The following CHCHD3 variants were observed in gnomAD, a reference collection of about 807,000 sequenced individuals.
CHCHD3 encodes the protein coiled-coil-helix-coiled-coil-helix domain containing 3, also known as MICOS complex subunit MIC19.
In CHCHD3, 20 loss-of-function variants were observed where a neutral mutation model predicts 38.2. That is an observed-to-expected ratio of 0.52 (90% CI 0.37 to 0.76). The LOEUF (loss-of-function observed/expected upper bound fraction) is 0.76, where lower values mean the gene tolerates loss of function less well. CHCHD3 is among the 30% of genes least tolerant of loss of function. CHCHD3 has a pLI of 0.00. For missense variants in CHCHD3, 245 were observed against 279.2 expected (o/e 0.88, Z 0.87); for synonymous variants, 82 against 100.0 (o/e 0.82, Z 1.07).
intron 7 of CHCHD3, among the ~76,000 whole-genome samples, chr7:132,792,789 T>C (rs17166760): frequency 0.05 from 7,590 of 152,250 alleles, 660 homozygotes; most frequent in African/African-American, 0.17. Context: ...AGATTAGGAT[T>C]GCAGCAGCAG....
chr7:132,931,367 G>A (rs762958830), intron 4 of CHCHD3, among the ~76,000 whole-genome samples: 1 of 152,170 alleles, frequency 6.6e-6, no homozygotes, highest in Non-Finnish European at 1.5e-5. Flanking sequence ...GTTGAAGATT[G>A]ACCCAAACTT....
intron 4 of CHCHD3, among the ~76,000 whole-genome samples, chr7:132,911,337 C>T (rs1292756183): frequency 6.6e-6 from 1 of 152,136 alleles, no homozygotes; most frequent in Non-Finnish European, 1.5e-5. Flanking sequence ...TCATTAACTA[C>T]CTGTCAATGT....
At chr7:133,064,502 G>A (rs897953009) in intron 2 of CHCHD3, among the ~76,000 whole-genome samples, 2 of 152,190 alleles carry the variant, frequency 1.3e-5, no homozygotes, top group African/African-American at 4.8e-5. Flanking sequence ...TCCCTACAGT[G>A]TTATGTCTAA....
intron 3 of CHCHD3, among the ~76,000 whole-genome samples, chr7:133,024,273 ACTC>A (rs1813271341): frequency 6.6e-6 from 1 of 152,082 alleles, no homozygotes; most frequent in Non-Finnish European, 1.5e-5. Context: ...ATACTCAAAA[ACTC>A]CTTCTCACAT....
chr7:132,924,359 C>A (rs1374727062), intron 4 of CHCHD3, among the ~76,000 whole-genome samples: 1 of 152,060 alleles, frequency 6.6e-6, no homozygotes, highest in African/African-American at 2.4e-5. Flanking sequence ...AAGTACAAAG[C>A]AGGGTATTTA....
At chr7:132,995,437 G>T (rs977483223) in intron 3 of CHCHD3, among the ~76,000 whole-genome samples, 11 of 152,118 alleles carry the variant, frequency 7.2e-5, no homozygotes, top group African/African-American at 2.7e-4. Flanking sequence ...ATACAATATT[G>T]TTAGCTGTAG....
intron 5 of CHCHD3, among the ~76,000 whole-genome samples, chr7:132,858,457 T>C (rs1000626669): frequency 4.6e-5 from 7 of 152,204 alleles, no homozygotes; most frequent in East Asian, 1.9e-4. Context: ...AATGATGCAA[T>C]GGAAAGTTCT....
chr7:132,896,283 T>C (rs1309069303), intron 4 of CHCHD3, among the ~76,000 whole-genome samples: 7 of 152,244 alleles, frequency 4.6e-5, no homozygotes, highest in African/African-American at 1.4e-4. Flanking sequence ...ATTTAACTTA[T>C]GTTCAGATCA....
At chr7:132,919,101 T>C (rs1454971427) in intron 4 of CHCHD3, among the ~76,000 whole-genome samples, 1 of 28,148 alleles carries the variant, frequency 3.6e-5, no homozygotes, top group African/African-American at 1.4e-4. Flanking sequence ...GGGTTTATTC[T>C]TTTTTTTTTT....
At chr7:132,790,102 G>A (rs1361214217) in intron 7 of CHCHD3, among the ~76,000 whole-genome samples, 2 of 152,192 alleles carry the variant, frequency 1.3e-5, no homozygotes, top group Non-Finnish European at 2.9e-5. Flanking sequence ...TTTTCAATAT[G>A]TGTCTATTCC....
chr7:132,873,450 G>A (rs1808817767), intron 5 of CHCHD3, among the ~76,000 whole-genome samples: 1 of 141,068 alleles, frequency 7.1e-6, no homozygotes, highest in Non-Finnish European at 1.5e-5. Flanking sequence ...GTCTCGCTGT[G>A]TCACCCAGGC....
At chr7:133,069,327 A>G (rs531913359) in intron 2 of CHCHD3, among the ~76,000 whole-genome samples, 10 of 151,974 alleles carry the variant, frequency 6.6e-5, no homozygotes, top group Admixed American at 1.3e-4. Flanking sequence ...GGGGGGTCAC[A>G]ATTGGCCCAA....
At chr7:132,810,070 G>T (rs768086279) in intron 6 of CHCHD3, among the ~76,000 whole-genome samples, 9 of 152,142 alleles carry the variant, frequency 5.9e-5, no homozygotes, top group Non-Finnish European at 1.3e-4. Flanking sequence ...GTAAGGAAAA[G>T]AACTTAGAAG....
chr7:132,806,336 G>A (rs1051036876), intron 6 of CHCHD3, among the ~76,000 whole-genome samples: 8 of 152,182 alleles, frequency 5.3e-5, no homozygotes, highest in Non-Finnish European at 1.0e-4. Flanking sequence ...AAATGGAGGT[G>A]GCAGGATGAG....
At chr7:133,055,144 G>C (rs963483576) in intron 2 of CHCHD3, among the ~76,000 whole-genome samples, 11 of 151,796 alleles carry the variant, frequency 7.2e-5, no homozygotes, top group Non-Finnish European at 1.3e-4. Context: ...GGGAAAAACA[G>C]TGAGACCTCA....
chr7:133,060,477 G>T (rs1454250028), intron 2 of CHCHD3, among the ~76,000 whole-genome samples: 2 of 152,196 alleles, frequency 1.3e-5, no homozygotes, highest in Non-Finnish European at 2.9e-5. Context: ...AAAGTTTCCT[G>T]GGGTAAGTGG....
chr7:132,913,479 G>C (rs1810015972), intron 4 of CHCHD3, among the ~76,000 whole-genome samples: 1 of 152,180 alleles, frequency 6.6e-6, no homozygotes, highest in Non-Finnish European at 1.5e-5. Context: ...CCCCCAGGCA[G>C]AGGGAATAGA....
intron 4 of CHCHD3, among the ~76,000 whole-genome samples, chr7:132,890,267 T>A (rs1809328082): frequency 6.6e-6 from 1 of 152,204 alleles, no homozygotes; most frequent in South Asian, 2.1e-4. Flanking sequence ...CCTTAAAGAC[T>A]TGTCTCTTTT....
At chr7:132,891,987 CTCTT>C (rs1475722252) in intron 4 of CHCHD3, among the ~76,000 whole-genome samples, 16 of 152,284 alleles carry the variant, frequency 1.1e-4, no homozygotes, top group Non-Finnish European at 2.2e-4. Context: ...TTAATTAAAT[CTCTT>C]TCTTTTATAA....
Sources: gnomAD v4.1 joint callset for allele counts (sites outside exome capture counted in the v4.1 genomes callset) on GRCh38, gnomAD v4.1.1 for gene constraint, MANE v1.5 for transcripts, NCBI Gene and HGNC (gene_info 2026-07-23, HGNC 2026-07-21) for gene names.